Variants in RPS7 observed in about 807,000 individuals in gnomAD.
The protein encoded by RPS7 is ribosomal protein S7, also known as small ribosomal subunit protein eS7.
A neutral mutation model predicts 22.1 loss-of-function variants in RPS7; 1 was observed. The ratio of observed to expected loss-of-function variants is 0.05; its 90% CI spans 0.02 to 0.21. The LOEUF (loss-of-function observed/expected upper bound fraction) is 0.21, where lower values mean the gene tolerates loss of function less well. Among genes scored for constraint, RPS7 ranks in the 10% least tolerant of loss-of-function variants. The probability of loss-of-function intolerance (pLI) is 1.00; values close to 1 mark genes in which losing one functional copy is unlikely to be tolerated. For synonymous variants in RPS7, 80 were observed against 92.0 expected, an observed-to-expected ratio of 0.87 and a Z score of 0.74; for missense variants, 137 against 246.4, an observed-to-expected ratio of 0.56 and a Z score of 2.97.
Position 3,575,804 on chromosome 2 carries a change from C to G in RPS7, c.76-13C>G, listed in dbSNP as rs760614415. On this transcript the variant is annotated splice_polypyrimidine_tract_variant and intron_variant, in intron 2 of 6. Coordinates refer to ENST00000645674, the MANE Select transcript of RPS7 (RefSeq NM_001011.4). ...CGCGCTCAGGGTCGGTCCTGCTGTT[C>G]GTTGCTTCTTAGGCTCTTCTGGAGC... The G allele has an allele frequency of 6.2e-7, 1 of 1,611,426 alleles. No homozygotes were observed. Among genetic ancestry groups the G allele is most frequent in the South Asian group, 1.1e-5 (1 of 90,926 alleles).
chr2:3,577,817 T>C (rs779035901), intron 5 of RPS7, 43 bp downstream of exon 5: 3 of 1,219,816 alleles, frequency 2.5e-6, no homozygotes, highest in African/African-American at 3.0e-5. Context: ...ACCCCTCTTA[T>C]TAACAACTCT....
intron 3 of RPS7, 92 bp downstream of exon 3, chr2:3,575,980 T>C: frequency 2.1e-6 from 2 of 936,192 alleles, no homozygotes; most frequent in Non-Finnish European, 3.4e-6. Flanking sequence ...CGGTTGATGA[T>C]GACTTGCCGC....
intron 5 of RPS7, chr2:3,578,248 G>C (rs1184594256): frequency 6.3e-6 from 1 of 158,782 alleles, no homozygotes; most frequent in Non-Finnish European, 1.4e-5. Context: ...TGACTTACAG[G>C]TTATCTGGCA....
rs752779504 is a variant in RPS7, at chr2:3,575,717, G to T, written c.75+33G>T. ...GGTTTCCCTGGGGTCTGGGGTGGGG[G>T]GAGGCGCCCCGCCCGGGAGGGGAGG... is the stretch of plus-strand genomic sequence containing the variant. On this transcript the variant is annotated intron_variant, in intron 2 of 6. Coordinates refer to ENST00000645674, the MANE Select transcript of RPS7 (RefSeq NM_001011.4). 2.5e-6 allele frequency: 4 copies of T among 1,600,194 alleles called. No homozygotes were observed. The South Asian group carries it at 4.4e-5, about 18-fold the overall frequency.
rs1238573533 is a variant in RPS7 at position 3,580,909 on chromosome 2, T to C, written c.*27T>C. 1.1e-5 allele frequency: 14 copies of C among 1,251,220 alleles called. No individual in the cohort carries two copies. Among genetic ancestry groups the C allele is most frequent in the Non-Finnish European group, 1.4e-5 (12 of 859,102 alleles). The allele number at this position is 1,251,220 out of a possible 1,614,324, so 77.5% of individuals were successfully genotyped here. A position where few individuals can be genotyped will look rare whatever the true frequency, so the allele number is the denominator to read the frequency against. ...CAAAAATGACTAAATAAAAAGTATA[T>C]ATTCACAGTACTCTGTTTCAGTTAT... On this transcript the variant is annotated 3_prime_UTR_variant, in exon 7 of 7. Transcript: ENST00000645674.
At chr2:3,579,931 A>G (rs2147822263) in intron 5 of RPS7, 179 bp from the exon 6 acceptor site, 8 of 667,780 alleles carry the variant, frequency 1.2e-5, no homozygotes, top group Admixed American at 2.5e-5. Flanking sequence ...ACCCTATTCT[A>G]GGTAGGCAAA....
At chr2:3,580,352 C>T in intron 6 of RPS7, 92 bp downstream of exon 6, 1 of 1,111,696 alleles carries the variant, frequency 9.0e-7, no homozygotes. Flanking sequence ...ATAGCAATGA[C>T]TGTAGTAAAC....
rs1266268249 is a variant in RPS7, at chr2:3,575,642, C to T, written c.33C>T (p.Pro11=). The T allele has an allele frequency of 3.1e-6, 5 of 1,611,300 alleles. No homozygotes were observed. The highest frequency in any genetic ancestry group is 3.3e-5 in the Admixed American group (2 of 59,998). Residue 11 remains proline, a synonymous_variant, in exon 2 of 7, where the codon CCC becomes CCT. Transcript: ENST00000645674. ...GTTCGAGCGCCAAGATCGTGAAGCC[C>T]AATGGCGAGAAGCCGGACGAGTTCG... The part of the protein sequence containing the change: MFSSSAKIVK[P]NGEKPDEFES...
In RPS7 at chr2:3,575,359, G is replaced by T; in HGVS notation, c.-19+9G>T. On this transcript the variant is annotated intron_variant, in intron 1 of 6. Coordinates refer to ENST00000645674, the MANE Select transcript of RPS7 (RefSeq NM_001011.4). ...AGCCGGCGCTCGGCAAGGTAGGTTG[G>T]CGGCCTGCTCTCCGACAGAACTTTT... 1.8e-6 allele frequency: 1 copy of T among 546,918 alleles called. No individual in the cohort carries two copies. Among genetic ancestry groups the T allele is most frequent in the Non-Finnish European group, 3.2e-6 (1 of 309,376 alleles). 33.9% of individuals were successfully genotyped at this position (546,918 alleles called of 1,614,324 possible).
chr2:3,575,735 A>T, intron 2 of RPS7, 51 bp downstream of exon 2: 1 of 1,591,862 alleles, frequency 6.3e-7, no homozygotes, highest in Non-Finnish European at 8.6e-7. Flanking sequence ...CCCGCCCGGG[A>T]GGGGAGGCGG....
intron 4 of RPS7, chr2:3,576,932 CAA>C: frequency 2.5e-6 from 1 of 398,446 alleles, no homozygotes; most frequent in Non-Finnish European, 4.7e-6. Context: ...AGAGTCGAAA[CAA>C]GAAGTCTGTA....
chr2:3,580,767 T>A (rs1661388520), intron 6 of RPS7, 38 bp from the exon 7 acceptor site: 1 of 1,312,910 alleles, frequency 7.6e-7, no homozygotes. Context: ...TGAGTGTGTA[T>A]TTCAAAGTTC....
At chr2:3,576,776 G>C (rs1326492167) in intron 4 of RPS7, 146 bp downstream of exon 4, 1 of 1,056,506 alleles carries the variant, frequency 9.5e-7, no homozygotes, top group African/African-American at 1.6e-5. Flanking sequence ...GCAGAGCGCC[G>C]TGGCTTAGGC....
At position 3,575,930 on chromosome 2, in the gene RPS7, G is replaced by A. The variant is rs1481312283; in HGVS notation, c.147+42G>A. ...TCGGCTGGGAGGGAGGTTGCGGCGC[G>A]TCTCCCCGCGCAGTGCCTGAGAGGG... On this transcript the variant is annotated intron_variant, in intron 3 of 6. Coordinates refer to ENST00000645674, the MANE Select transcript of RPS7 (RefSeq NM_001011.4). 22 of 1,437,492 alleles carry A rather than the reference G, an allele frequency of 1.5e-5. No homozygotes were observed. The East Asian group carries it at 5.0e-4, about 32-fold the overall frequency. 89.0% of individuals were successfully genotyped at this position (1,437,492 alleles called of 1,614,324 possible).
At chr2:3,580,718 A>G (rs2147822790) in intron 6 of RPS7, 87 bp from the exon 7 acceptor site, 1 of 850,706 alleles carries the variant, frequency 1.2e-6, no homozygotes, top group Non-Finnish European at 2.0e-6. Flanking sequence ...GAGAAAAACA[A>G]TACAGGGCAC....
intron 5 of RPS7, 67 bp downstream of exon 5, chr2:3,577,841 T>C: frequency 9.0e-7 from 1 of 1,116,216 alleles, no homozygotes; most frequent in Non-Finnish European, 1.4e-6. Context: ...TTTGTTTAAG[T>C]TGTAGTTTAT....
At chr2:3,579,388 AT>A (rs1661351136) in intron 5 of RPS7, 1 of 152,614 alleles carries the variant, frequency 6.6e-6, no homozygotes, top group South Asian at 2.1e-4. Context: ...GCGCTGCCAG[AT>A]AGGAAATCCA....
chr2:3,576,424 A>G, intron 3 of RPS7, 63 bp from the exon 4 acceptor site: 3 of 1,470,036 alleles, frequency 2.0e-6, no homozygotes, highest in Non-Finnish European at 2.9e-6. Context: ...TTATCCTCTA[A>G]TTTGACCACA....
intron 5 of RPS7, 23 bp from the exon 6 acceptor site, chr2:3,580,087 T>C (rs1192076162): frequency 1.9e-6 from 3 of 1,613,492 alleles, no homozygotes; most frequent in African/African-American, 1.3e-5. Context: ...CTAGGTTGCT[T>C]ACCTTTTAAA....
Sources: gnomAD v4.1 joint callset for allele counts on GRCh38, gnomAD v4.1.1 for gene constraint, MANE v1.5 for transcripts, NCBI Gene and HGNC (gene_info 2026-07-23, HGNC 2026-07-21) for gene names.